The following BHMT variants were observed in gnomAD, a reference collection of about 807,000 sequenced individuals.
BHMT encodes betaine--homocysteine S-methyltransferase.
In BHMT, 38 loss-of-function variants were observed where a neutral mutation model predicts 49.5. The ratio of observed to expected loss-of-function variants is 0.77; its 90% confidence interval spans 0.59 to 1.01. The LOEUF (loss-of-function observed/expected upper bound fraction) is 1.01. Ranked by LOEUF, BHMT falls within the 50% of genes least tolerant of loss-of-function variation. BHMT has a pLI of 0.00. For missense variants in BHMT, 426 were observed against 495.7 expected (o/e 0.86, Z 1.34); for synonymous variants, 166 against 176.3 (o/e 0.94, Z 0.46).
chr5:79,119,409 G>A (rs754240613), intron 3 of BHMT, 32 bp downstream of exon 3: 3 of 1,540,584 alleles, frequency 1.9e-6, no homozygotes, highest in South Asian at 1.1e-5. Flanking sequence ...ACTTTTAGAA[G>A]GATATTGTCG....
intron 5 of BHMT, among the ~76,000 whole-genome samples, chr5:79,124,359 G>A (rs1252325199): frequency 6.6e-6 from 1 of 151,766 alleles, no homozygotes; most frequent in Non-Finnish European, 1.5e-5. Context: ...GACCAGCCTG[G>A]GCAACATAAT....
At chr5:79,113,765 A>G (rs904116378) in intron 1 of BHMT, among the ~76,000 whole-genome samples, 11 of 152,116 alleles carry the variant, frequency 7.2e-5, no homozygotes, top group Non-Finnish European at 1.3e-4. Context: ...TTAGCTTGGG[A>G]ACAGAAAATC....
In BHMT at chr5:79,131,039, C is replaced by G; in HGVS notation, c.1144C>G (p.Leu382Val). ...GWGVTKGTAE[L>V]MQQKEATTEQ... ...GGGAGTGACCAAAGGAACAGCCGAG[C>G]TGATGCAGCAGAAAGAAGCCACAAC... is the stretch of plus-strand genomic sequence containing the variant. The change falls in exon 8 of 8, where the codon CTG becomes GTG. Residue 382 changes from leucine to valine, a missense_variant. Leu to Val is a conservative substitution (Grantham distance 32, BLOSUM62 1). Coordinates refer to ENST00000274353, the MANE Select transcript of BHMT (RefSeq NM_001713.3). 1 of 1,613,868 alleles carries G rather than the reference C, an allele frequency of 6.2e-7. No homozygotes were observed. Among genetic ancestry groups the G allele is most frequent in the Non-Finnish European group, 8.5e-7 (1 of 1,179,928 alleles).
chr5:79,130,408 C>A (rs1017800451), intron 7 of BHMT, among the ~76,000 whole-genome samples: 13 of 152,132 alleles, frequency 8.5e-5, no homozygotes, highest in Non-Finnish European at 1.8e-4. Flanking sequence ...CTGTAAAAAG[C>A]CTTCCAGCAG....
At chr5:79,119,130 C>G in intron 2 of BHMT, 129 bp from the exon 3 acceptor site, 1 of 720,048 alleles carries the variant, frequency 1.4e-6, no homozygotes, top group South Asian at 1.8e-5. Context: ...TCATCTACCC[C>G]TAAGATGTGC....
intron 5 of BHMT, among the ~76,000 whole-genome samples, chr5:79,123,539 GGTTGGTTC>G (rs72487441): frequency 0.23 from 7,730 of 33,184 alleles, 584 homozygotes; most frequent in African/African-American, 0.32. Flanking sequence ...TTGGTTGGTT[GGTTGGTTC>G]GTTGGTTGGT....
In BHMT at chr5:79,131,784, T is replaced by G. The variant is rs1756646920; in HGVS notation, c.*668T>G. 1 of 152,232 alleles carries G rather than the reference T, an allele frequency of 6.6e-6. No homozygotes were observed. The highest frequency in any genetic ancestry group is 2.4e-5 in the African/African-American group (1 of 41,462). 9.4% of individuals were successfully genotyped at this position (152,232 alleles called of 1,614,324 possible). Reference sequence around the variant, plus strand: ...GAGACCATCCTGTTTAAGTTTATTCTTATAAGTAGGTCAGTCATATGAGAC... The same window carrying G: ...GAGACCATCCTGTTTAAGTTTATTCGTATAAGTAGGTCAGTCATATGAGAC... On this transcript the variant is annotated 3_prime_UTR_variant, in exon 8 of 8. Transcript: ENST00000274353.
At chr5:79,123,798 C>T (rs183519287) in intron 5 of BHMT, among the ~76,000 whole-genome samples, 12 of 152,210 alleles carry the variant, frequency 7.9e-5, no homozygotes, top group South Asian at 2.1e-4. Flanking sequence ...GTAATCCACC[C>T]GCCTCAGCCT....
chr5:79,125,034 G>A (rs904522733), intron 5 of BHMT, among the ~76,000 whole-genome samples: 19 of 152,158 alleles, frequency 1.2e-4, no homozygotes, highest in African/African-American at 3.9e-4. Flanking sequence ...AAGCAGTATG[G>A]TAAACACAGG....
In BHMT at chr5:79,120,478, A is replaced by G. The variant is rs1756450475; in HGVS notation, c.414A>G (p.Lys138=). ...YLSCKSETEV[K]KVFLQQLEVF... ...GCTGCAAGAGTGAAACTGAAGTCAA[A>G]AAAGTATTTCTGCAACAGTTAGAGG... Residue 138 remains lysine (K), a synonymous_variant, in exon 4 of 8, where the codon AAA becomes AAG. Transcript: ENST00000274353. The G allele has an allele frequency of 6.2e-7, 1 of 1,614,134 alleles. No individual in the cohort carries two copies. The highest frequency in any genetic ancestry group is 8.5e-7 in the Non-Finnish European group (1 of 1,180,012).
chr5:79,118,791 T>G (rs1459008844), intron 2 of BHMT, among the ~76,000 whole-genome samples: 1 of 152,186 alleles, frequency 6.6e-6, no homozygotes, highest in Non-Finnish European at 1.5e-5. Flanking sequence ...TTCTTCCAAG[T>G]GCAGCTCAAA....
At chr5:79,128,226 GT>G (rs1756582112) in intron 7 of BHMT, 2 of 553,688 alleles carry the variant, frequency 3.6e-6, no homozygotes, top group East Asian at 7.2e-5. Flanking sequence ...TTTAAAAATT[GT>G]TTTTAAATAT....
intron 2 of BHMT, chr5:79,116,103 AGCTACTTGGGAGGCTGAG>A: frequency 4.3e-6 from 2 of 462,112 alleles, no homozygotes; most frequent in African/African-American, 2.0e-5. Flanking sequence ...CTGTAGTCCC[AGCTACTTGGGAGGCTGAG>A]GCAGGAGGAT....
Position 79,127,763 on chromosome 5 carries a change from C to G in BHMT, c.817C>G (p.Pro273Ala), listed in dbSNP as rs1484853864. 8.7e-6 allele frequency: 14 copies of G among 1,613,974 alleles called. No homozygotes were observed. The highest frequency in any genetic ancestry group is 1.2e-5 in the Non-Finnish European group (14 of 1,179,898). The change falls in exon 7 of 8, where the codon CCC (proline) becomes GCC (alanine). Residue 273 changes from proline to alanine, a missense_variant. By Grantham distance (27) the Pro-to-Ala change is conservative (BLOSUM62 -1). Transcript: ENST00000274353. ...AATGCCACTTATTACAGGACTGGAA[C>G]CCAGAGTTGCCACCAGATGGGATAT... Reference protein sequence around the residue: ...DLPEFPFGLEPRVATRWDIQK... With the variant: ...DLPEFPFGLEARVATRWDIQK...
chr5:79,116,121 G>A, intron 2 of BHMT: 1 of 401,342 alleles, frequency 2.5e-6, no homozygotes, highest in Non-Finnish European at 4.2e-6. Flanking sequence ...GGGAGGCTGA[G>A]GCAGGAGGAT....
chr5:79,126,057 A>G lies in BHMT; in HGVS notation c.637A>G (p.Ile213Val), dbSNP rs1363421448. Residue 213 changes from isoleucine (I) to valine (V), a missense_variant, in exon 6 of 8, where the codon ATT becomes GTT. Physicochemically the swap from Ile to Val is conservative, Grantham distance 29 (BLOSUM62 3). Coordinates refer to ENST00000274353, the MANE Select transcript of BHMT (RefSeq NM_001713.3). Reference protein sequence around the residue: ...VRLVKAGASIIGVNCHFDPTI... With the variant: ...VRLVKAGASIVGVNCHFDPTI... Reference sequence around the variant, plus strand: ...CTTCCCACTCACAGGAGCATCCATCATTGGTGTGAACTGCCACTTTGACCC... The same window carrying G: ...CTTCCCACTCACAGGAGCATCCATCGTTGGTGTGAACTGCCACTTTGACCC... 1 of 1,601,486 alleles carries G rather than the reference A, an allele frequency of 6.2e-7. No homozygotes were observed. The highest frequency in any genetic ancestry group is 2.3e-5 in the East Asian group (1 of 44,422).
chr5:79,125,003 A>G (rs1756528404), intron 5 of BHMT, among the ~76,000 whole-genome samples: 1 of 152,206 alleles, frequency 6.6e-6, no homozygotes, highest in Non-Finnish European at 1.5e-5. Flanking sequence ...GTGAAAAGGA[A>G]TATTTATTTA....
At position 79,121,183 on chromosome 5, in the gene BHMT, G is replaced by A. The variant is rs751956308; in HGVS notation, c.478-35G>A. 6 of 1,580,574 alleles carry A rather than the reference G, an allele frequency of 3.8e-6. No individual in the cohort carries two copies. The African/African-American group carries it at 4.1e-5, about 11-fold the overall frequency. ...AAAAAAAAATTGTTTTGGGAGAAAC[G>A]AGATTAAAAGTACTCTAACCTTAAC... is the stretch of plus-strand genomic sequence containing the variant. On this transcript the variant is annotated intron_variant, in intron 4 of 7. Coordinates refer to ENST00000274353, the MANE Select transcript of BHMT (RefSeq NM_001713.3).
In BHMT at chr5:79,130,939, G is replaced by A. The variant is rs376921451; in HGVS notation, c.1044G>A (p.Arg348=). The A allele has an allele frequency of 6.2e-7, 1 of 1,611,906 alleles. No homozygotes were observed. Among genetic ancestry groups the A allele is most frequent in the Non-Finnish European group, 8.5e-7 (1 of 1,179,012 alleles). Residue 348 remains arginine (R), a synonymous_variant, in exon 8 of 8, where the codon AGG becomes AGA. Transcript: ENST00000274353. ...ATGTGTTTTGTTCACACAGGGCCAG[G>A]AAGGAATACTGGGAGAATCTTCGGA... ...HTKPWVRARA[R]KEYWENLRIA...
Sources: gnomAD v4.1 joint callset for allele counts (sites outside exome capture counted in the v4.1 genomes callset) on GRCh38, gnomAD v4.1.1 for gene constraint, MANE v1.5 for transcripts, NCBI Gene and HGNC (gene_info 2026-07-23, HGNC 2026-07-21) for gene names.